Variants in ASPRV1 observed in about 807,000 individuals in gnomAD.
The protein encoded by ASPRV1 is aspartic peptidase retroviral like 1, also known as retroviral-like aspartic protease 1.
Under a neutral mutation model 11.0 loss-of-function variants are expected in ASPRV1, and 7 were observed. That is an observed-to-expected ratio of 0.64 (90% CI 0.36 to 1.20). The LOEUF (loss-of-function observed/expected upper bound fraction) is 1.20, where lower values mean the gene tolerates loss of function less well. Ranked by LOEUF, ASPRV1 falls within the 50% of genes most tolerant of loss-of-function variation. ASPRV1 has a pLI of 0.02. For missense variants in ASPRV1, 299 were observed against 320.0 expected, an observed-to-expected ratio of 0.93 and a Z score of 0.50; for synonymous variants, 136 against 138.4, an observed-to-expected ratio of 0.98 and a Z score of 0.12.
chr2:69,998,302 C>T, the ASPRV1 span, among the ~76,000 whole-genome samples: 1 of 151,868 alleles, frequency 6.6e-6, no homozygotes, highest in African/African-American at 2.4e-5. Context: ...GGATTTGTGA[C>T]TTTATGTTTG....
At chr2:69,997,589 C>T in the ASPRV1 span, among the ~76,000 whole-genome samples, 17 of 152,304 alleles carry the variant, frequency 1.1e-4, no homozygotes, top group South Asian at 1.7e-3. Context: ...CTCTCCTCCT[C>T]GCCAGCCCTG....
chr2:70,085,779 G>A, the ASPRV1 span: 1 of 152,238 alleles, frequency 6.6e-6, no homozygotes, highest in African/African-American at 2.4e-5. Flanking sequence ...GACTAAAAAT[G>A]AACACTTAAT....
At chr2:69,942,272 A>G in the ASPRV1 span, 1 of 152,192 alleles carries the variant, frequency 6.6e-6, no homozygotes, top group African/African-American at 2.4e-5. Flanking sequence ...TTCTCATTCT[A>G]CATCCTCTGA....
upstream of ASPRV1, chr2:69,963,419 T>C (rs1678205176): frequency 2.2e-6 from 1 of 456,598 alleles, no homozygotes; most frequent in African/African-American, 2.0e-5. Flanking sequence ...GCTGCTGGGA[T>C]GAGTGTTGTT....
the ASPRV1 span, among the ~76,000 whole-genome samples, chr2:69,981,620 G>A: frequency 6.6e-6 from 1 of 152,156 alleles, no homozygotes; most frequent in Non-Finnish European, 1.5e-5. Context: ...GCAGTGGCGC[G>A]ATCTCGGCTC....
At chr2:70,050,425 C>T in the ASPRV1 span, among the ~76,000 whole-genome samples, 4 of 152,000 alleles carry the variant, frequency 2.6e-5, no homozygotes, top group Non-Finnish European at 4.4e-5. Context: ...GAACAAGTAA[C>T]TATTTTTATA....
At chr2:69,957,676 C>T (rs567111953), downstream of ASPRV1, among the ~76,000 whole-genome samples, 5 of 151,958 alleles carry the variant, frequency 3.3e-5, no homozygotes, top group Non-Finnish European at 7.4e-5. Context: ...CCAACAGGCT[C>T]GCAGGTGATG....
At chr2:70,051,917 G>C in the ASPRV1 span, among the ~76,000 whole-genome samples, 1 of 152,114 alleles carries the variant, frequency 6.6e-6, no homozygotes, top group Non-Finnish European at 1.5e-5. Flanking sequence ...AAAGTTTGCA[G>C]TGAGACGAGA....
At chr2:69,932,755 C>T in the ASPRV1 span, among the ~76,000 whole-genome samples, 4 of 152,144 alleles carry the variant, frequency 2.6e-5, no homozygotes, top group African/African-American at 9.7e-5. Flanking sequence ...ATATTTTTAT[C>T]AGTGGACAAA....
At chr2:69,982,036 TATCC>T in the ASPRV1 span, among the ~76,000 whole-genome samples, 23,446 of 148,968 alleles carry the variant, frequency 0.16, 2,089 homozygotes, top group African/African-American at 0.24. Context: ...CCCTCTCATC[TATCC>T]ATCCATCCAT....
chr2:69,961,996 G>T (rs754322688), upstream of ASPRV1: 2 of 328,266 alleles, frequency 6.1e-6, no homozygotes, highest in Non-Finnish European at 1.2e-5. Flanking sequence ...GCCGCCATTG[G>T]CCTCCCCAAC....
the ASPRV1 span, among the ~76,000 whole-genome samples, chr2:70,057,777 C>A: frequency 6.6e-6 from 1 of 151,896 alleles, no homozygotes; most frequent in African/African-American, 2.4e-5. Context: ...CTGCGCCCAG[C>A]CAGTAAAACG....
Position 69,961,140 on chromosome 2 carries a change from G to C in ASPRV1, c.297C>G (p.Pro99=). 1 of 1,613,864 alleles carries C rather than the reference G, an allele frequency of 6.2e-7. No individual in the cohort carries two copies. The highest frequency in any genetic ancestry group is 8.5e-7 in the Non-Finnish European group (1 of 1,179,876). The change falls in exon 1 of 1, where the codon CCC becomes CCG. Residue 99 remains proline (P), a synonymous_variant. Transcript: ENST00000320256. ...GVPGAAPSHL[P]KEIVFANSMG... The stretch of plus-strand genomic sequence containing the variant: ...TGCTGTTGGCAAAGACGATCTCTTT[G>C]GGCAGGTGGCTGGGGGCAGCCCCAG...
chr2:70,042,289 T>C, the ASPRV1 span, among the ~76,000 whole-genome samples: 3 of 152,148 alleles, frequency 2.0e-5, no homozygotes, highest in Non-Finnish European at 4.4e-5. Flanking sequence ...CAGACTAGCA[T>C]GGCATCTAAT....
chr2:70,013,934 ATTG>A, the ASPRV1 span, among the ~76,000 whole-genome samples: 3 of 152,232 alleles, frequency 2.0e-5, no homozygotes, highest in African/African-American at 7.2e-5. Context: ...TAATGGATTC[ATTG>A]TTGTTACTTT....
chr2:69,938,057 G>A, the ASPRV1 span: 3 of 1,593,840 alleles, frequency 1.9e-6, no homozygotes, highest in Non-Finnish European at 2.6e-6. Context: ...TTTCTGCAGA[G>A]CGCTTTCATC....
chr2:69,943,779 A>G, the ASPRV1 span, among the ~76,000 whole-genome samples: 1 of 152,172 alleles, frequency 6.6e-6, no homozygotes, highest in African/African-American at 2.4e-5. Context: ...TTGGCGCTCA[A>G]GTCCTCATCA....
the ASPRV1 span, among the ~76,000 whole-genome samples, chr2:69,969,979 G>A: frequency 8.6e-5 from 13 of 150,744 alleles, no homozygotes; most frequent in East Asian, 1.9e-4. Flanking sequence ...CAATCCTCCC[G>A]CCTTGGCCTC....
chr2:70,033,276 A>AACACACACACACAC, the ASPRV1 span, among the ~76,000 whole-genome samples: 101 of 141,608 alleles, frequency 7.1e-4, no homozygotes, highest in East Asian at 4.2e-3. Context: ...TCAAACAGAA[A>AACACACACACACAC]ACACACACAC....
Sources: allele counts gnomAD v4.1 joint callset (sites outside exome capture counted in the v4.1 genomes callset), GRCh38; gene constraint gnomAD v4.1.1; transcripts MANE v1.5; gene names NCBI Gene and HGNC (gene_info 2026-07-23, HGNC 2026-07-21).